COL10A1: variants seen among roughly 807,000 people sequenced by gnomAD.
COL10A1 encodes collagen alpha-1(X) chain.
Under a neutral mutation model 18.2 loss-of-function variants are expected in COL10A1, and 10 were observed. The ratio of observed to expected loss-of-function variants is 0.55; its 90% CI spans 0.34 to 0.93. The LOEUF (loss-of-function observed/expected upper bound fraction) is 0.93. Among genes scored for constraint, COL10A1 ranks in the 40% least tolerant of loss-of-function variants. The pLI, the probability that COL10A1 is intolerant of heterozygous loss-of-function variation, is 0.02. For missense variants in COL10A1, 897 were observed against 853.5 expected (o/e 1.05, Z -0.64); for synonymous variants, 330 against 316.6 (o/e 1.04, Z -0.45).
At chr6:116,171,357 TATAA>T in the COL10A1 span, among the ~76,000 whole-genome samples, 2 of 152,126 alleles carry the variant, frequency 1.3e-5, no homozygotes, top group Non-Finnish European at 2.9e-5. Context: ...GACCAGGAAT[TATAA>T]ATAGACACTG....
At chr6:116,147,013 A>ATT (rs1278044424) in intron 1 of COL10A1, among the ~76,000 whole-genome samples, 95 of 148,668 alleles carry the variant, frequency 6.4e-4, no homozygotes, top group African/African-American at 2.1e-3. Flanking sequence ...ATATATATAT[A>ATT]TTTTTAATCA....
At chr6:116,122,519 A>G (rs994528349) in intron 2 of COL10A1, among the ~76,000 whole-genome samples, 2 of 152,240 alleles carry the variant, frequency 1.3e-5, no homozygotes, top group African/African-American at 2.4e-5. Context: ...AATTGAAACA[A>G]AGAACTAGAG....
the COL10A1 span, among the ~76,000 whole-genome samples, chr6:116,169,696 C>G: frequency 9.2e-5 from 14 of 152,156 alleles, no homozygotes; most frequent in South Asian, 2.9e-3. Flanking sequence ...ATGAAGAGTT[C>G]TATTTTGGAC....
chr6:116,192,793 T>A, the COL10A1 span, among the ~76,000 whole-genome samples: 4 of 152,158 alleles, frequency 2.6e-5, no homozygotes, highest in South Asian at 6.2e-4. Flanking sequence ...TATTACGATT[T>A]CCTCCTGGTA....
intron 1 of COL10A1, among the ~76,000 whole-genome samples, chr6:116,148,664 A>G (rs1400207247): frequency 6.6e-6 from 1 of 152,202 alleles, no homozygotes; most frequent in African/African-American, 2.4e-5. Flanking sequence ...GATGGTTTAT[A>G]TAACAACGTC....
chr6:116,164,341 C>T, the COL10A1 span, among the ~76,000 whole-genome samples: 1 of 151,852 alleles, frequency 6.6e-6, no homozygotes, highest in African/African-American at 2.4e-5. Flanking sequence ...TGTATCATAC[C>T]CTTCTTTGTC....
In COL10A1 at chr6:116,158,520, TTAAA is replaced by T. The variant is rs1489231982; in HGVS notation, c.-16+90_-16+93del. 5.3e-5 allele frequency: 8 copies of T among 152,248 alleles called. No homozygotes were observed. In the South Asian group the frequency reaches 1.0e-3, roughly 20 times the overall value. The allele number at this position is 152,248 out of a possible 1,614,324, so 9.4% of individuals were successfully genotyped here. ...CATTTTATCTCTTCAGAGAAATTAT[TTAAA>T]TAGTCACAGCCAGTATTTTTGCCCT... On this transcript the variant is annotated intron_variant, in intron 1 of 1. Coordinates refer to the COL10A1 transcript ENST00000418500.
At chr6:116,182,102 T>C in the COL10A1 span, among the ~76,000 whole-genome samples, 15 of 152,066 alleles carry the variant, frequency 9.9e-5, 1 homozygote, top group African/African-American at 3.6e-4. Flanking sequence ...ATGCCACTTA[T>C]GAGTGAGAAC....
Position 116,121,261 on chromosome 6 carries a change from C to T in COL10A1, c.855G>A (p.Gly285=). ...PGIPGTKGLP[G]APGIAGPPGP... is the part of the protein sequence containing the mutation. ...CTGGGGGCCCAGCTATTCCTGGAGCCCCAGGGAGACCTTTTGTTCCTGGAA... is the reference window on the plus strand; with the variant it reads ...CTGGGGGCCCAGCTATTCCTGGAGCTCCAGGGAGACCTTTTGTTCCTGGAA... Residue 285 remains glycine, a synonymous_variant, in exon 3 of 3, where the codon GGG becomes GGA. Transcript: ENST00000651968. 6.2e-7 allele frequency: 1 copy of T among 1,613,928 alleles called. No homozygotes were observed. The highest frequency in any genetic ancestry group is 8.5e-7 in the Non-Finnish European group (1 of 1,179,950).
chr6:116,154,544 A>G (rs1780132964), intron 1 of COL10A1, among the ~76,000 whole-genome samples: 1 of 152,150 alleles, frequency 6.6e-6, no homozygotes, highest in South Asian at 2.1e-4. Context: ...AAAAAAATAC[A>G]CAAAACTTTG....
At chr6:116,157,866 T>TTGTACGTCTTTTAGGCTAGTAATAA in intron 1 of COL10A1, among the ~76,000 whole-genome samples, 1 of 152,312 alleles carries the variant, frequency 6.6e-6, no homozygotes, top group South Asian at 2.1e-4. Context: ...ATCCCTTGTA[T>TTGTACGTCTTTTAGGCTAGTAATAA]TGTACGTCTT....
At chr6:116,149,462 A>G (rs112695396) in intron 1 of COL10A1, among the ~76,000 whole-genome samples, 4,969 of 152,304 alleles carry the variant, frequency 0.033, 289 homozygotes, top group African/African-American at 0.11. Context: ...CTAAGAGAAC[A>G]CTAACCTATT....
upstream of COL10A1, among the ~76,000 whole-genome samples, chr6:116,161,705 A>G (rs551166749): frequency 1.3e-4 from 20 of 152,280 alleles, no homozygotes; most frequent in African/African-American, 4.3e-4. Context: ...TGCTTTGGCT[A>G]TTTAGGCTCT....
chr6:116,164,939 A>G, the COL10A1 span, among the ~76,000 whole-genome samples: 2 of 152,080 alleles, frequency 1.3e-5, no homozygotes, highest in East Asian at 3.9e-4. Context: ...AATAAATAAA[A>G]TACAAAAAAT....
chr6:116,207,113 T>C, the COL10A1 span, among the ~76,000 whole-genome samples: 1 of 151,988 alleles, frequency 6.6e-6, no homozygotes, highest in Non-Finnish European at 1.5e-5. Flanking sequence ...TATTACAATA[T>C]TGTTTTATTC....
chr6:116,120,970 AG>A lies in COL10A1; in HGVS notation c.1145del (p.Pro382LeufsTer99), dbSNP rs775544392. The A allele has an allele frequency of 6.2e-7, 1 of 1,613,618 alleles. No individual in the cohort carries two copies. The highest frequency in any genetic ancestry group is 1.1e-5 in the South Asian group (1 of 91,054). On this transcript the variant is annotated frameshift_variant, in exon 3 of 3. Coordinates refer to ENST00000651968, the MANE Select transcript of COL10A1 (RefSeq NM_000493.4). LOFTEE classifies it low-confidence loss of function (END_TRUNC). ...YPGAKGERGS[P>X]GSDGKPGYPG... ...GGTACCCTGGTTTTCCATCTGACCC[AG>A]GGGAACCCCTTTCACCCTTAGCCCC...
chr6:116,209,477 A>G, the COL10A1 span, among the ~76,000 whole-genome samples: 2 of 152,050 alleles, frequency 1.3e-5, no homozygotes, highest in Non-Finnish European at 2.9e-5. Flanking sequence ...GAGTCTCAGA[A>G]GAAAGAAAAA....
the COL10A1 span, among the ~76,000 whole-genome samples, chr6:116,172,667 T>C: frequency 6.6e-6 from 1 of 152,310 alleles, no homozygotes; most frequent in South Asian, 2.1e-4. Context: ...TTATGTTTTC[T>C]CTGTATAGCA....
the COL10A1 span, among the ~76,000 whole-genome samples, chr6:116,192,584 T>G: frequency 6.6e-6 from 1 of 152,056 alleles, no homozygotes. Context: ...TGATATAAAG[T>G]CAAAAATCAA....
Sources: gnomAD v4.1 joint callset for allele counts (sites outside exome capture counted in the v4.1 genomes callset) on GRCh38, gnomAD v4.1.1 for gene constraint, MANE v1.5 for transcripts, NCBI Gene and HGNC (gene_info 2026-07-23, HGNC 2026-07-21) for gene names.